The following PLPPR1 variants were observed in gnomAD, a reference collection of about 807,000 sequenced individuals.
PLPPR1 encodes the protein phospholipid phosphatase-related protein type 1.
PLPPR1 carries 10 observed loss-of-function variants against 33.1 expected under a neutral mutation model. The observed-to-expected ratio is 0.30, with a 90% confidence interval of 0.19 to 0.51. The LOEUF is 0.51. Ranked by LOEUF, PLPPR1 falls within the 20% of genes least tolerant of loss-of-function variation. The probability of loss-of-function intolerance (pLI) is 0.97; values close to 1 mark genes in which losing one functional copy is unlikely to be tolerated. For synonymous variants in PLPPR1, 151 were observed against 151.0 expected (o/e 1.00, Z 0.00); for missense variants, 304 against 408.1 (o/e 0.74, Z 2.20).
chr9:101,144,122 T>G (rs1279477325), intron 1 of PLPPR1, among the ~76,000 whole-genome samples: 1 of 152,150 alleles, frequency 6.6e-6, no homozygotes, highest in Non-Finnish European at 1.5e-5. Context: ...TGTAGGGACA[T>G]GGATGAAGCT....
At chr9:101,299,445 T>C (rs1446522522) in intron 4 of PLPPR1, among the ~76,000 whole-genome samples, 5 of 152,186 alleles carry the variant, frequency 3.3e-5, no homozygotes, top group African/African-American at 1.2e-4. Context: ...CAAGAAATTG[T>C]GATGAGGTTA....
At chr9:101,179,167 C>T (rs547744780) in intron 1 of PLPPR1, among the ~76,000 whole-genome samples, 2 of 152,206 alleles carry the variant, frequency 1.3e-5, no homozygotes, top group East Asian at 1.9e-4. Context: ...TCCATTAGGG[C>T]GTTGCTTAGT....
chr9:101,291,425 T>G (rs1274700765), intron 4 of PLPPR1, among the ~76,000 whole-genome samples: 1 of 152,152 alleles, frequency 6.6e-6, no homozygotes, highest in African/African-American at 2.4e-5. Flanking sequence ...CTGACAGCTT[T>G]GAAAAGAGCA....
At chr9:101,085,442 G>A (rs2118520310) in intron 1 of PLPPR1, among the ~76,000 whole-genome samples, 1 of 152,256 alleles carries the variant, frequency 6.6e-6, no homozygotes, top group South Asian at 2.1e-4. Context: ...AAGGAGGTAG[G>A]GGAGAGTCAA....
At chr9:101,090,328 C>A (rs1295096484) in intron 1 of PLPPR1, among the ~76,000 whole-genome samples, 2 of 152,096 alleles carry the variant, frequency 1.3e-5, no homozygotes, top group Non-Finnish European at 2.9e-5. Context: ...ACCAAGTATA[C>A]AATCTTTATC....
intron 1 of PLPPR1, among the ~76,000 whole-genome samples, chr9:101,061,087 A>C (rs1242239823): frequency 1.3e-5 from 2 of 151,858 alleles, no homozygotes; most frequent in Admixed American, 1.3e-4. Context: ...TTAACTTCCC[A>C]GTGTGGATTA....
At chr9:101,072,438 T>A (rs1160884599) in intron 1 of PLPPR1, among the ~76,000 whole-genome samples, 1 of 152,118 alleles carries the variant, frequency 6.6e-6, no homozygotes, top group Admixed American at 6.6e-5. Flanking sequence ...AACCAAATCA[T>A]GTGGCTTCAG....
At chr9:101,303,131 C>T (rs1056143022) in intron 4 of PLPPR1, among the ~76,000 whole-genome samples, 2 of 151,524 alleles carry the variant, frequency 1.3e-5, no homozygotes, top group African/African-American at 4.9e-5. Context: ...GGATTACAGG[C>T]ACCCAGCACC....
At chr9:101,236,383 T>C (rs74408724) in intron 2 of PLPPR1, among the ~76,000 whole-genome samples, 2,663 of 151,788 alleles carry the variant, frequency 0.018, 31 homozygotes, top group Middle Eastern at 0.086. Context: ...ATCACATCCT[T>C]CTCCTGGCAT....
chr9:101,174,494 T>C (rs1825990504), intron 1 of PLPPR1, among the ~76,000 whole-genome samples: 1 of 152,178 alleles, frequency 6.6e-6, no homozygotes. Flanking sequence ...CAGTAGGTCA[T>C]GGAGACCCTT....
chr9:101,228,101 A>G (rs2118809544), intron 2 of PLPPR1, among the ~76,000 whole-genome samples: 1 of 152,270 alleles, frequency 6.6e-6, no homozygotes, highest in South Asian at 2.1e-4. Context: ...AACTCAGATC[A>G]ATCTGACAAA....
intron 2 of PLPPR1, among the ~76,000 whole-genome samples, chr9:101,196,130 G>A (rs965525790): frequency 1.3e-5 from 2 of 152,054 alleles, no homozygotes; most frequent in Non-Finnish European, 2.9e-5. Context: ...TCATTGATAT[G>A]TGTGGCTGGC....
chr9:101,075,315 A>G (rs767208938), intron 1 of PLPPR1, among the ~76,000 whole-genome samples: 3 of 152,214 alleles, frequency 2.0e-5, no homozygotes, highest in Non-Finnish European at 2.9e-5. Context: ...TTTGTTCACC[A>G]CACCATTGGT....
At chr9:101,293,177 A>C (rs1187791438) in intron 4 of PLPPR1, among the ~76,000 whole-genome samples, 10 of 151,818 alleles carry the variant, frequency 6.6e-5, no homozygotes, top group Admixed American at 1.3e-4. Flanking sequence ...AACAGACTGT[A>C]AACCAACAAA....
chr9:101,288,354 TGG>T (rs922103058), intron 4 of PLPPR1, among the ~76,000 whole-genome samples: 2 of 152,182 alleles, frequency 1.3e-5, no homozygotes, highest in African/African-American at 4.8e-5. Flanking sequence ...TTAGTCCGTT[TGG>T]GTCTGTCATA....
chr9:101,215,701 AT>A (rs111548700), intron 2 of PLPPR1, among the ~76,000 whole-genome samples: 9,160 of 148,854 alleles, frequency 0.062, 429 homozygotes, highest in African/African-American at 0.14. Context: ...CTCATTTTTC[AT>A]TTTTTTTTAC....
intron 1 of PLPPR1, among the ~76,000 whole-genome samples, chr9:101,038,734 C>T (rs190584285): frequency 1.7e-4 from 26 of 152,240 alleles, no homozygotes; most frequent in African/African-American, 5.1e-4. Context: ...GGATTTCTGG[C>T]GCATTGAAAT....
rs533424296 is a variant in PLPPR1, at chr9:101,177,886, A to G, written c.-45-7564A>G. On this transcript the variant is annotated intron_variant, in intron 1 of 7. Coordinates refer to ENST00000374874, the MANE Select transcript of PLPPR1 (RefSeq NM_207299.2). ...TTTTTTACATCATAAATTGCTTTCA[A>G]AAATCTGGATTGGTATAATAATAGT... is the stretch of plus-strand genomic sequence containing the variant. 8.5e-5 allele frequency among the ~76,000 whole-genome samples: 13 copies of G among 152,302 alleles called. No individual in the cohort carries two copies. In the South Asian group the frequency reaches 2.7e-3, roughly 32 times the overall value.
At chr9:101,164,489 A>C (rs1825821278) in intron 1 of PLPPR1, among the ~76,000 whole-genome samples, 1 of 151,516 alleles carries the variant, frequency 6.6e-6, no homozygotes, top group Admixed American at 6.6e-5. Context: ...CAGCCTCTAG[A>C]GTAGCTGGGA....
Sources: gnomAD v4.1 joint callset for allele counts (sites outside exome capture counted in the v4.1 genomes callset) on GRCh38, gnomAD v4.1.1 for gene constraint, MANE v1.5 for transcripts, NCBI Gene and HGNC (gene_info 2026-07-23, HGNC 2026-07-21) for gene names.